The following DPP10 variants were observed in gnomAD, a reference collection of about 807,000 sequenced individuals.
The protein encoded by DPP10 is dipeptidyl peptidase like 10, also known as inactive dipeptidyl peptidase 10.
DPP10 carries 33 observed loss-of-function variants against 120.9 expected under a neutral mutation model. The ratio of observed to expected loss-of-function variants is 0.27; its 90% CI spans 0.21 to 0.37. DPP10 has a LOEUF of 0.37. Among genes scored for constraint, DPP10 ranks in the 10% least tolerant of loss-of-function variants. DPP10 has a pLI of 1.00. For synonymous variants in DPP10, 337 were observed against 326.1 expected (o/e 1.03, Z -0.36); for missense variants, 816 against 942.8 (o/e 0.87, Z 1.76).
rs150519931 is a variant in DPP10 at position 115,530,232 on chromosome 2, T to C, written c.441+4260T>C. On this transcript the variant is annotated intron_variant, in intron 5 of 25. Coordinates refer to ENST00000410059, the MANE Select transcript of DPP10 (RefSeq NM_020868.6). Reference sequence around the variant, plus strand: ...CAGGTGCAATTGCTGGGCTGTATATTATAGGGTGTATTTGTGGGTATGCTC... The same window carrying C: ...CAGGTGCAATTGCTGGGCTGTATATCATAGGGTGTATTTGTGGGTATGCTC... Among the ~76,000 whole-genome samples the C allele has an allele frequency of 4.5e-4, 69 of 152,178 alleles. 1 individual carries two copies. The East Asian group carries it at 0.013, about 29-fold the overall frequency.
chr2:115,041,734 T>TAA (rs1293200202), intron 1 of DPP10, among the ~76,000 whole-genome samples: 1 of 152,240 alleles, frequency 6.6e-6, no homozygotes, highest in Non-Finnish European at 1.5e-5. Context: ...ACAAGAGTTA[T>TAA]AAATCTGCAG....
At chr2:115,151,273 T>C (rs527762121) in intron 1 of DPP10, among the ~76,000 whole-genome samples, 1 of 152,296 alleles carries the variant, frequency 6.6e-6, no homozygotes, top group African/African-American at 2.4e-5. Context: ...TCTTTTGCCC[T>C]ACATGCCCAA....
rs191715967 is a variant in DPP10 at position 114,555,403 on chromosome 2, G to A, written c.60+112565G>A. ...TCTTATATTGTAGTGGGGAAGACAG[G>A]AAAAAATAGGCACATAAAGAAAAGC... On this transcript the variant is annotated intron_variant, in intron 1 of 25. Coordinates refer to ENST00000410059, the MANE Select transcript of DPP10 (RefSeq NM_020868.6). 4.1e-3 allele frequency among the ~76,000 whole-genome samples: 619 copies of A among 152,230 alleles called. 4 individuals carry two copies. The highest frequency in any genetic ancestry group is 0.017 in the Middle Eastern group (5 of 294).
At chr2:115,714,338 T>A (rs868688680) in intron 7 of DPP10, among the ~76,000 whole-genome samples, 1 of 152,192 alleles carries the variant, frequency 6.6e-6, no homozygotes, top group Admixed American at 6.5e-5. Context: ...GAAAATAATT[T>A]CCAGATCAAT....
chr2:115,496,591 C>T (rs1006716699), intron 3 of DPP10, among the ~76,000 whole-genome samples: 11 of 152,102 alleles, frequency 7.2e-5, no homozygotes, highest in African/African-American at 9.7e-5. Context: ...TATGGGGTCA[C>T]GCATTTCTTT....
intron 1 of DPP10, among the ~76,000 whole-genome samples, chr2:115,196,003 C>T (rs2055236935): frequency 6.6e-6 from 1 of 152,190 alleles, no homozygotes; most frequent in African/African-American, 2.4e-5. Context: ...GAAAGGAATA[C>T]ACAGGATCAA....
intron 1 of DPP10, among the ~76,000 whole-genome samples, chr2:115,193,510 T>C (rs902920013): frequency 6.6e-6 from 1 of 152,238 alleles, no homozygotes; most frequent in Non-Finnish European, 1.5e-5. Context: ...TCCAGGGCCA[T>C]GGACAATAGC....
At chr2:115,383,110 C>T (rs1207738026) in intron 3 of DPP10, among the ~76,000 whole-genome samples, 1 of 152,136 alleles carries the variant, frequency 6.6e-6, no homozygotes, top group African/African-American at 2.4e-5. Context: ...GGGTAAATAG[C>T]CTGAGTTTTC....
At chr2:114,885,194 C>G (rs6737867) in intron 1 of DPP10, among the ~76,000 whole-genome samples, 92,772 of 151,912 alleles carry the variant, frequency 0.61, 28,835 homozygotes, top group African/African-American at 0.72. Flanking sequence ...TTCTTGGGAG[C>G]CCTCAGAAAT....
At chr2:115,823,691 A>C (rs1307150236) in intron 21 of DPP10, among the ~76,000 whole-genome samples, 1 of 151,732 alleles carries the variant, frequency 6.6e-6, no homozygotes, top group Non-Finnish European at 1.5e-5. Flanking sequence ...TGTTTTATTT[A>C]TTTGTTTGGT....
At chr2:114,445,990 A>G (rs879297521) in intron 1 of DPP10, among the ~76,000 whole-genome samples, 1 of 152,202 alleles carries the variant, frequency 6.6e-6, no homozygotes, top group Non-Finnish European at 1.5e-5. Context: ...ATGTGATTAC[A>G]AATCTTCCTG....
intron 1 of DPP10, among the ~76,000 whole-genome samples, chr2:114,818,806 C>G (rs1369318918): frequency 2.0e-5 from 3 of 152,126 alleles, no homozygotes; most frequent in Admixed American, 6.6e-5. Flanking sequence ...ATCCATGAAC[C>G]TTTTCTACCA....
At chr2:115,584,552 GA>G (rs1213788961) in intron 5 of DPP10, among the ~76,000 whole-genome samples, 1 of 152,184 alleles carries the variant, frequency 6.6e-6, no homozygotes, top group Non-Finnish European at 1.5e-5. Flanking sequence ...TCTCTTCACA[GA>G]AAAAGTTTGA....
chr2:115,530,212 G>A (rs1021381253), intron 5 of DPP10, among the ~76,000 whole-genome samples: 5 of 151,748 alleles, frequency 3.3e-5, no homozygotes, highest in South Asian at 2.1e-4. Context: ...TGTCCCAGGT[G>A]CAATTGCTGG....
chr2:114,604,762 A>G lies in DPP10; in HGVS notation c.60+161924A>G, dbSNP rs1206836909. On this transcript the variant is annotated intron_variant, in intron 1 of 25. Coordinates refer to ENST00000410059, the MANE Select transcript of DPP10 (RefSeq NM_020868.6). ...TTTGGGGCTGATTGGAAAACTTAAG[A>G]CACTGAATTTATCTTATACTTGAAA... 2.6e-5 allele frequency among the ~76,000 whole-genome samples: 4 copies of G among 152,096 alleles called. No individual in the cohort carries two copies. In the South Asian group the frequency reaches 6.2e-4, roughly 24 times the overall value.
chr2:115,459,938 T>TACACACACAC lies in DPP10; in HGVS notation c.272-39569_272-39560dup, dbSNP rs71394140. Among the ~76,000 whole-genome samples the TACACACACAC allele has an allele frequency of 3.9e-5, 5 of 128,528 alleles. No individual in the cohort carries two copies. In the South Asian group the frequency reaches 1.1e-3, roughly 28 times the overall value. The allele number at this position is 128,528 out of a possible 152,430, so 84.3% of individuals were successfully genotyped here. A position where few individuals can be genotyped will look rare whatever the true frequency, so the allele number is the denominator to read the frequency against. On this transcript the variant is annotated intron_variant, in intron 3 of 25. Coordinates refer to ENST00000410059, the MANE Select transcript of DPP10 (RefSeq NM_020868.6). ...AAAACATATATTTTATATATATATA[T>TACACACACAC]ACACACACACACCTTTGTTTGCATT...
chr2:115,523,629 T>C, intron 4 of DPP10, among the ~76,000 whole-genome samples: 1 of 152,078 alleles, frequency 6.6e-6, no homozygotes, highest in East Asian at 1.9e-4. Flanking sequence ...GAACATTTCC[T>C]TAAAAACAAT....
In DPP10 at chr2:114,552,327, A is replaced by T. The variant is rs6708622; in HGVS notation, c.60+109489A>T. Among the ~76,000 whole-genome samples the T allele has an allele frequency of 9.7e-3, 954 of 97,916 alleles. 14 individuals are homozygous for T. The highest frequency in any genetic ancestry group is 0.026 in the African/African-American group (871 of 33,862). 64.2% of individuals were successfully genotyped at this position (97,916 alleles called of 152,430 possible). ...TGAAATGCAAAGAGTTTAGTTTTGT[A>T]TTGATTCCCATTACAAGTTTGCTCC... On this transcript the variant is annotated intron_variant, in intron 1 of 25. Transcript: ENST00000410059.
At chr2:115,025,971 T>C (rs1703431522) in intron 1 of DPP10, among the ~76,000 whole-genome samples, 1 of 152,150 alleles carries the variant, frequency 6.6e-6, no homozygotes, top group South Asian at 2.1e-4. Flanking sequence ...TTCTGTGGGT[T>C]GGTTCTTCAC....
Sources: gnomAD v4.1 joint callset for allele counts (sites outside exome capture counted in the v4.1 genomes callset) on GRCh38, gnomAD v4.1.1 for gene constraint, MANE v1.5 for transcripts, NCBI Gene and HGNC (gene_info 2026-07-23, HGNC 2026-07-21) for gene names.